The following RALGPS1 variants were observed in gnomAD, a reference collection of about 807,000 sequenced individuals.
RALGPS1 encodes the protein ras-specific guanine nucleotide-releasing factor RalGPS1.
In RALGPS1, 19 loss-of-function variants were observed where a neutral mutation model predicts 78.8. The observed-to-expected ratio is 0.24, with a 90% CI of 0.17 to 0.35. RALGPS1 has a LOEUF of 0.35. Among genes scored for constraint, RALGPS1 ranks in the 10% least tolerant of loss-of-function variants. The pLI, the probability that RALGPS1 is intolerant of heterozygous loss-of-function variation, is 1.00. For synonymous variants in RALGPS1, 228 were observed against 256.3 expected (o/e 0.89, Z 1.06); for missense variants, 454 against 688.3 (o/e 0.66, Z 3.81).
intron 8 of RALGPS1, among the ~76,000 whole-genome samples, chr9:127,097,475 G>A (rs1321833882): frequency 6.6e-6 from 1 of 152,210 alleles, no homozygotes; most frequent in Non-Finnish European, 1.5e-5. Context: ...AGAACCCTTA[G>A]TAGACCTCTG....
intron 18 of RALGPS1, chr9:127,217,220 A>T: frequency 8.2e-7 from 1 of 1,220,858 alleles, no homozygotes; most frequent in Non-Finnish European, 1.0e-6. Flanking sequence ...TTTTTGTCTG[A>T]TTTTCAGACC....
At chr9:127,198,939 T>C in intron 13 of RALGPS1, 76 bp from the exon 14 acceptor site, 1 of 1,354,116 alleles carries the variant, frequency 7.4e-7, no homozygotes, top group South Asian at 1.2e-5. Context: ...TCAGGGGGCC[T>C]GGGCTCGGTG....
intron 4 of RALGPS1, among the ~76,000 whole-genome samples, chr9:127,027,666 A>G (rs747370094): frequency 7.2e-5 from 11 of 152,244 alleles, no homozygotes; most frequent in Non-Finnish European, 1.2e-4. Context: ...ATTCTCCCCA[A>G]TTAGCATATC....
intron 14 of RALGPS1, among the ~76,000 whole-genome samples, chr9:127,203,410 G>A (rs893615888): frequency 3.3e-5 from 5 of 152,140 alleles, no homozygotes; most frequent in East Asian, 1.9e-4. Context: ...AGTTGATTAC[G>A]AAACCCTTGG....
intron 11 of RALGPS1, among the ~76,000 whole-genome samples, chr9:127,187,888 T>TC (rs2060755303): frequency 1.3e-5 from 2 of 152,014 alleles, no homozygotes; most frequent in African/African-American, 2.4e-5. Context: ...CAGAGTTTCT[T>TC]CCCCCGGGGT....
intron 11 of RALGPS1, among the ~76,000 whole-genome samples, chr9:127,193,741 T>G (rs2061202601): frequency 1.3e-5 from 2 of 151,710 alleles, no homozygotes; most frequent in Admixed American, 1.3e-4. Flanking sequence ...GCCTTATGGG[T>G]CCCCCCAAGA....
At position 126,941,208 on chromosome 9, in the gene RALGPS1, A is replaced by G. The variant is rs149451888; in HGVS notation, c.-65-21017A>G. Among the ~76,000 whole-genome samples, 447 of 151,502 alleles carry G rather than the reference A, an allele frequency of 3.0e-3. 3 individuals carry two copies. The highest frequency in any genetic ancestry group is 4.5e-3 in the Non-Finnish European group (306 of 67,938). On this transcript the variant is annotated intron_variant, in intron 1 of 18. Transcript: ENST00000259351. ...GGAAGGAGGGATGATTAATGGATTC[A>G]AAGATAGGAAGAAGATTGGATAAGA...
chr9:127,203,631 T>C (rs1215119263), intron 14 of RALGPS1, among the ~76,000 whole-genome samples: 5 of 152,144 alleles, frequency 3.3e-5, no homozygotes, highest in African/African-American at 9.7e-5. Context: ...GCAAAGCCCA[T>C]TCCTCTTCCT....
intron 11 of RALGPS1, among the ~76,000 whole-genome samples, chr9:127,189,979 T>G (rs1029567671): frequency 2.6e-5 from 4 of 152,230 alleles, no homozygotes; most frequent in Non-Finnish European, 5.9e-5. Flanking sequence ...CTTTAAATAA[T>G]GAAATAGTTA....
chr9:126,987,009 AC>A (rs1322235140), intron 4 of RALGPS1, among the ~76,000 whole-genome samples: 1 of 152,180 alleles, frequency 6.6e-6, no homozygotes, highest in Admixed American at 6.5e-5. Context: ...CTATCATTTC[AC>A]CAATGTATAG....
At chr9:126,958,769 A>T (rs1306574330) in intron 1 of RALGPS1, among the ~76,000 whole-genome samples, 1 of 152,148 alleles carries the variant, frequency 6.6e-6, no homozygotes. Flanking sequence ...TTCTTTTTTT[A>T]GGTAGATACC....
intron 8 of RALGPS1, chr9:127,088,837 GCCTCA>G: frequency 7.4e-6 from 10 of 1,360,054 alleles, no homozygotes; most frequent in Non-Finnish European, 1.0e-5. Context: ...GGTCCTCCCA[GCCTCA>G]GGATGAACTG....
intron 1 of RALGPS1, among the ~76,000 whole-genome samples, chr9:126,922,784 C>T (rs1199233505): frequency 6.6e-6 from 1 of 152,314 alleles, no homozygotes; most frequent in Non-Finnish European, 1.5e-5. Context: ...TTTGTTCTTG[C>T]GTATTCAGGG....
intron 10 of RALGPS1, among the ~76,000 whole-genome samples, chr9:127,171,969 A>G (rs1362044042): frequency 6.6e-6 from 1 of 152,222 alleles, no homozygotes; most frequent in Non-Finnish European, 1.5e-5. Flanking sequence ...GTCCAAGTCT[A>G]TAACATAAGC....
chr9:126,928,333 ACCAT>A (rs2035488760), intron 1 of RALGPS1, among the ~76,000 whole-genome samples: 1 of 152,174 alleles, frequency 6.6e-6, no homozygotes, highest in Non-Finnish European at 1.5e-5. Context: ...ACCAGGACTG[ACCAT>A]CGTGGTGTGA....
Position 127,202,002 on chromosome 9 carries a change from G to T in RALGPS1, c.1247+2936G>T, listed in dbSNP as rs186235634. Among the ~76,000 whole-genome samples, 6 of 152,310 alleles carry T rather than the reference G, an allele frequency of 3.9e-5. No individual in the cohort carries two copies. The East Asian group carries it at 9.6e-4, about 24-fold the overall frequency. ...AAGTGAGGTGTGAGAGAGGAGAGGG[G>T]GAGGCTTGGCCGTGGTGGGGGAGAC... On this transcript the variant is annotated intron_variant, in intron 14 of 18. Transcript: ENST00000259351.
At chr9:127,158,813 A>G (rs537976483) in intron 8 of RALGPS1, among the ~76,000 whole-genome samples, 1 of 148,996 alleles carries the variant, frequency 6.7e-6, no homozygotes, top group Admixed American at 6.7e-5. Context: ...TAATTTTGAT[A>G]TTTTAATTTT....
chr9:127,214,657 T>G (rs1185900368), intron 17 of RALGPS1, 94 bp from the exon 18 acceptor site: 4 of 1,515,396 alleles, frequency 2.6e-6, no homozygotes, highest in Non-Finnish European at 3.5e-6. Flanking sequence ...CCTTCCCACT[T>G]TAGTTACCCG....
intron 8 of RALGPS1, among the ~76,000 whole-genome samples, chr9:127,110,075 C>T (rs912189672): frequency 3.9e-5 from 6 of 152,194 alleles, no homozygotes; most frequent in Admixed American, 6.5e-5. Context: ...CTCTGCAGCT[C>T]TTGTTGCATT....
Sources: gnomAD v4.1 joint callset for allele counts (sites outside exome capture counted in the v4.1 genomes callset) on GRCh38, gnomAD v4.1.1 for gene constraint, MANE v1.5 for transcripts, NCBI Gene and HGNC (gene_info 2026-07-23, HGNC 2026-07-21) for gene names.